PPP2R2C: variants seen among roughly 807,000 people sequenced by gnomAD.
PPP2R2C encodes the protein protein phosphatase 2 regulatory subunit Bgamma, also known as protein phosphatase 2, regulatory subunit B, gamma.
PPP2R2C carries 10 observed loss-of-function variants against 45.3 expected under a neutral mutation model. That is an observed-to-expected ratio of 0.22 (90% CI 0.14 to 0.37). The LOEUF (loss-of-function observed/expected upper bound fraction) is 0.37, where lower values mean the gene tolerates loss of function less well. PPP2R2C is among the 10% of genes least tolerant of loss of function. The pLI is 1.00. For synonymous variants in PPP2R2C, 257 were observed against 245.4 expected (o/e 1.05, Z -0.44); for missense variants, 308 against 619.7 (o/e 0.50, Z 5.34).
rs147622387 is a variant in PPP2R2C, at chr4:6,413,987, CA to C, written c.71-32894del. ...TGGTGGCTCTGCAGTTGGCTACTGC[CA>C]TGTTGCCAGTCAATGGCCAAAACCA... is the stretch of plus-strand genomic sequence containing the variant. On this transcript the variant is annotated intron_variant, in intron 1 of 8. Transcript: ENST00000382599. The C allele has an allele frequency of 5.8e-4, 897 of 1,535,116 alleles. 13 individuals carry two copies. In the East Asian group the frequency reaches 0.02, roughly 34 times the overall value.
intron 1 of PPP2R2C, among the ~76,000 whole-genome samples, chr4:6,560,792 T>C (rs1256326728): frequency 6.6e-6 from 1 of 152,220 alleles, no homozygotes; most frequent in Non-Finnish European, 1.5e-5. Context: ...AATCTTTGAA[T>C]GTGTGTTTCC....
chr4:6,381,902 A>T, intron 1 of PPP2R2C: 8 of 1,595,162 alleles, frequency 5.0e-6, no homozygotes, highest in Non-Finnish European at 6.0e-6. Flanking sequence ...TCCATCACCA[A>T]CATTCTCAGG....
intron 6 of PPP2R2C, 81 bp from the exon 7 acceptor site, chr4:6,333,812 C>T (rs1732618476): frequency 4.8e-6 from 7 of 1,467,980 alleles, no homozygotes; most frequent in Non-Finnish European, 6.6e-6. Context: ...CTGTTTTGCA[C>T]CTGGGCCCAT....
chr4:6,380,928 C>T, intron 2 of PPP2R2C, 69 bp downstream of exon 2: 2 of 1,452,256 alleles, frequency 1.4e-6, no homozygotes, highest in East Asian at 2.5e-5. Flanking sequence ...TCCCCTCCCA[C>T]CATGCCCGCC....
intron 1 of PPP2R2C, among the ~76,000 whole-genome samples, chr4:6,411,120 C>T (rs1022065621): frequency 6.6e-6 from 1 of 152,086 alleles, no homozygotes; most frequent in Non-Finnish European, 1.5e-5. Flanking sequence ...ATCTACCCAC[C>T]TCAGCCTCCC....
intron 1 of PPP2R2C, among the ~76,000 whole-genome samples, chr4:6,560,453 G>A (rs1370997132): frequency 2.0e-5 from 3 of 152,212 alleles, no homozygotes; most frequent in Non-Finnish European, 2.9e-5. Context: ...AAGGCTCTCC[G>A]CCACTAACAG....
At chr4:6,326,254 A>C (rs1020334353) in intron 8 of PPP2R2C, among the ~76,000 whole-genome samples, 1 of 152,096 alleles carries the variant, frequency 6.6e-6, no homozygotes, top group Admixed American at 6.5e-5. Context: ...CCAGTGTGTA[A>C]GAAGAAGCAG....
chr4:6,520,268 G>A (rs575354084), intron 2 of PPP2R2C, among the ~76,000 whole-genome samples: 27 of 152,224 alleles, frequency 1.8e-4, no homozygotes, highest in Admixed American at 1.4e-3. Flanking sequence ...CTCAGCAAGC[G>A]GGGCTCCGGC....
intron 1 of PPP2R2C, among the ~76,000 whole-genome samples, chr4:6,395,743 G>T (rs563145555): frequency 6.6e-6 from 1 of 152,202 alleles, no homozygotes; most frequent in African/African-American, 2.4e-5. Context: ...CCAGAGGCTC[G>T]CTTTCCTCCC....
At position 6,352,755 on chromosome 4, in the gene PPP2R2C, T is replaced by C. The variant is rs907585578; in HGVS notation, c.626-4745A>G. Among the ~76,000 whole-genome samples the C allele has an allele frequency of 2.0e-5, 3 of 152,198 alleles. No homozygotes were observed. The East Asian group carries it at 5.8e-4, about 29-fold the overall frequency. On this transcript the variant is annotated intron_variant, in intron 5 of 8. Transcript: ENST00000382599. Reference sequence around the variant, plus strand: ...TTCTCCACTGCAGTGGGTTGAATAATGGCCCCCACAAATACATCAGCATAG... The same window carrying C: ...TTCTCCACTGCAGTGGGTTGAATAACGGCCCCCACAAATACATCAGCATAG...
At chr4:6,497,692 C>T (rs1213172775) in intron 2 of PPP2R2C, among the ~76,000 whole-genome samples, 4 of 152,078 alleles carry the variant, frequency 2.6e-5, no homozygotes, top group African/African-American at 7.2e-5. Context: ...CATCATAAAG[C>T]GAAAAGACAA....
At chr4:6,396,335 G>A (rs1200704558) in intron 1 of PPP2R2C, among the ~76,000 whole-genome samples, 3 of 152,178 alleles carry the variant, frequency 2.0e-5, no homozygotes, top group Non-Finnish European at 4.4e-5. Context: ...CTTGTGGCCT[G>A]TACCCCAAAG....
At chr4:6,408,110 T>G (rs1717919778) in intron 1 of PPP2R2C, among the ~76,000 whole-genome samples, 1 of 152,262 alleles carries the variant, frequency 6.6e-6, no homozygotes, top group African/African-American at 2.4e-5. Context: ...CAGCTTCCGT[T>G]ACATTTCTAT....
chr4:6,387,192 T>A (rs1716272439), intron 1 of PPP2R2C, among the ~76,000 whole-genome samples: 1 of 151,942 alleles, frequency 6.6e-6, no homozygotes, highest in South Asian at 2.1e-4. Flanking sequence ...CATAAAAAAA[T>A]AATGACCGAA....
chr4:6,407,079 T>C (rs1317455005), intron 1 of PPP2R2C, among the ~76,000 whole-genome samples: 2 of 152,214 alleles, frequency 1.3e-5, no homozygotes, highest in African/African-American at 4.8e-5. Context: ...GATCCACCCC[T>C]GCAGGCTACA....
At chr4:6,338,451 G>A (rs1733170582) in intron 6 of PPP2R2C, among the ~76,000 whole-genome samples, 1 of 152,198 alleles carries the variant, frequency 6.6e-6, no homozygotes, top group Non-Finnish European at 1.5e-5. Flanking sequence ...GCCCAACCAA[G>A]GTGTGGGGCG....
At chr4:6,445,614 G>A (rs1720377977) in intron 1 of PPP2R2C, among the ~76,000 whole-genome samples, 1 of 152,248 alleles carries the variant, frequency 6.6e-6, no homozygotes, top group Admixed American at 6.5e-5. Context: ...AGCACTCTGG[G>A]AGGCCCCGGC....
chr4:6,418,697 G>A (rs983039762), intron 1 of PPP2R2C, among the ~76,000 whole-genome samples: 10 of 152,232 alleles, frequency 6.6e-5, no homozygotes, highest in Non-Finnish European at 1.3e-4. Flanking sequence ...TGCTCCCAAA[G>A]GGACAATGGT....
Position 6,529,845 on chromosome 4 carries a change from G to T in PPP2R2C, c.49+5426C>A, listed in dbSNP as rs66468767. On this transcript the variant is annotated intron_variant, in intron 2 of 9. Transcript: ENST00000506140. Reference sequence around the variant, plus strand: ...TGAGGACCACTCACTTCTCTGCTTGGGAAGGCCTCCCATGACAAGGATTCC... The same window carrying T: ...TGAGGACCACTCACTTCTCTGCTTGTGAAGGCCTCCCATGACAAGGATTCC... Among the ~76,000 whole-genome samples the T allele has an allele frequency of 5.3e-5, 8 of 152,116 alleles. No homozygotes were observed. In the East Asian group the frequency reaches 9.7e-4, roughly 18 times the overall value.
Sources: gnomAD v4.1 joint callset for allele counts (sites outside exome capture counted in the v4.1 genomes callset) on GRCh38, gnomAD v4.1.1 for gene constraint, MANE v1.5 for transcripts, NCBI Gene and HGNC (gene_info 2026-07-23, HGNC 2026-07-21) for gene names.